The following CNTNAP3B variants were observed in gnomAD, a reference collection of about 807,000 sequenced individuals.
The protein encoded by CNTNAP3B is contactin-associated protein-like 3B.
Under a neutral mutation model 108.9 loss-of-function variants are expected in CNTNAP3B, and 25 were observed. That is an observed-to-expected ratio of 0.23 (90% CI 0.17 to 0.32). The LOEUF is 0.32. Ranked by LOEUF, CNTNAP3B falls within the 10% of genes least tolerant of loss-of-function variation. CNTNAP3B has a pLI of 1.00. For missense variants in CNTNAP3B, 252 were observed against 1,210.4 expected, an observed-to-expected ratio of 0.21 and a Z score of 11.75; for synonymous variants, 103 against 473.4, an observed-to-expected ratio of 0.22 and a Z score of 10.16.
chr9:41,979,145 C>G (rs1437814958), intron 9 of CNTNAP3B, among the ~76,000 whole-genome samples: 2 of 131,480 alleles, frequency 1.5e-5, no homozygotes, highest in South Asian at 2.5e-4. Flanking sequence ...CGTCTTCCCT[C>G]TCTGTGTGTC....
At chr9:42,089,864 A>T (rs1827780543) in intron 2 of CNTNAP3B, among the ~76,000 whole-genome samples, 1 of 139,972 alleles carries the variant, frequency 7.1e-6, no homozygotes. Flanking sequence ...ATTTCCATTC[A>T]AACCCACGGG....
rs1356145465 is a variant in CNTNAP3B, at chr9:41,928,175, C to G, written c.2365+1142G>C. ...ACTTGCAAGCTAACAATTTAGCTTG[C>G]CACAGATTAATGGATGCTGATAGAA... On this transcript the variant is annotated intron_variant, in intron 15 of 23. Coordinates refer to ENST00000377561, the MANE Select transcript of CNTNAP3B (RefSeq NM_001201380.3). Among the ~76,000 whole-genome samples, 6 of 152,364 alleles carry G rather than the reference C, an allele frequency of 3.9e-5. No homozygotes were observed. The East Asian group carries it at 1.2e-3, about 29-fold the overall frequency.
Position 41,929,691 on chromosome 9 carries a change from C to T in CNTNAP3B, c.2238-247G>A, listed in dbSNP as rs1167446409. On this transcript the variant is annotated intron_variant, in intron 14 of 23. Transcript: ENST00000377561. ...TTCTCACAGCAACTACTTAACTCTG[C>T]CACCAAGTGTGAAAGCAGCCACAGA... Among the ~76,000 whole-genome samples, 10 of 137,322 alleles carry T rather than the reference C, an allele frequency of 7.3e-5. 1 individual carries two copies. Among genetic ancestry groups the T allele is most frequent in the Non-Finnish European group, 1.4e-4 (9 of 64,040 alleles). 90.1% of individuals were successfully genotyped at this position (137,322 alleles called of 152,430 possible). A position where few individuals can be genotyped will look rare whatever the true frequency, so the allele number is the denominator to read the frequency against.
chr9:41,925,339 A>G (rs1328684711), intron 15 of CNTNAP3B, among the ~76,000 whole-genome samples: 1 of 152,166 alleles, frequency 6.6e-6, no homozygotes, highest in Non-Finnish European at 1.5e-5. Flanking sequence ...CACGCCTGTA[A>G]TCCCAGCAGT....
At chr9:41,931,869 G>T (rs1159178484) in intron 14 of CNTNAP3B, among the ~76,000 whole-genome samples, 2 of 148,840 alleles carry the variant, frequency 1.3e-5, no homozygotes, top group Non-Finnish European at 3.0e-5. Context: ...TATTTTAAAA[G>T]ATCTATTTCA....
At chr9:42,128,104 C>G (rs1828611407) in intron 1 of CNTNAP3B, among the ~76,000 whole-genome samples, 1 of 137,016 alleles carries the variant, frequency 7.3e-6, no homozygotes. Context: ...CTCATGGTTT[C>G]ATTAATCAAG....
chr9:42,110,531 T>TA (rs370874060), intron 1 of CNTNAP3B, among the ~76,000 whole-genome samples: 2,030 of 119,826 alleles, frequency 0.017, 176 homozygotes, highest in Middle Eastern at 0.048. Context: ...CTCTTTGTTC[T>TA]AAAAAAAAAA....
In CNTNAP3B at chr9:42,107,792, G is replaced by A. The variant is rs1244672933; in HGVS notation, c.86-3053C>T. Among the ~76,000 whole-genome samples, 2 of 134,780 alleles carry A rather than the reference G, an allele frequency of 1.5e-5. 1 individual carries two copies. The highest frequency in any genetic ancestry group is 3.1e-5 in the Non-Finnish European group (2 of 63,766). The allele number at this position is 134,780 out of a possible 152,430, so 88.4% of individuals were successfully genotyped here. The stretch of plus-strand genomic sequence containing the variant: ...AGATCGAGACCATCCTGGCTAATAC[G>A]GTGAAACCCCGTCTCTACTAAAAAT... On this transcript the variant is annotated intron_variant, in intron 1 of 23. Coordinates refer to ENST00000377561, the MANE Select transcript of CNTNAP3B (RefSeq NM_001201380.3).
chr9:41,944,504 A>G (rs1053538776), intron 13 of CNTNAP3B, among the ~76,000 whole-genome samples: 1 of 152,302 alleles, frequency 6.6e-6, no homozygotes, highest in African/African-American at 2.4e-5. Flanking sequence ...TATATTTTAT[A>G]CTCAAAGGCT....
chr9:42,076,413 C>T (rs28498306), intron 3 of CNTNAP3B, among the ~76,000 whole-genome samples: 43,676 of 114,788 alleles, frequency 0.38, 7,931 homozygotes, highest in East Asian at 0.57. Context: ...GTGATAACAG[C>T]GAAACTCTGT....
chr9:41,944,423 T>A (rs1824461384), intron 13 of CNTNAP3B, among the ~76,000 whole-genome samples: 1 of 151,998 alleles, frequency 6.6e-6, no homozygotes, highest in African/African-American at 2.4e-5. Context: ...GGATTGGAAA[T>A]GCTGTGTTAT....
rs1828369628 is a variant in CNTNAP3B at position 42,118,279 on chromosome 9, A to G, written c.85+10731T>C. On this transcript the variant is annotated intron_variant, in intron 1 of 23. Transcript: ENST00000377561. ...GAACATTGATGCAAAAATCCTCAAT[A>G]AAATACTGGCAAACTGAATACAGCA... 4.3e-5 allele frequency among the ~76,000 whole-genome samples: 6 copies of G among 139,754 alleles called. 2 individuals carry two copies. The highest frequency in any genetic ancestry group is 4.3e-4 in the Admixed American group (6 of 14,094). The allele number at this position is 139,754 out of a possible 152,430, so 91.7% of individuals were successfully genotyped here. A position where few individuals can be genotyped will look rare whatever the true frequency, so the allele number is the denominator to read the frequency against.
At chr9:41,918,936 G>A (rs1046879992) in intron 18 of CNTNAP3B, among the ~76,000 whole-genome samples, 2 of 149,956 alleles carry the variant, frequency 1.3e-5, no homozygotes, top group African/African-American at 5.0e-5. Flanking sequence ...AAATTCTTTT[G>A]AAAGTCACAC....
Position 41,953,204 on chromosome 9 carries a change from C to T in CNTNAP3B, c.2059G>A (p.Ala687Thr). The T allele has an allele frequency of 6.6e-7, 1 of 1,526,582 alleles. No individual in the cohort carries two copies. The highest frequency in any genetic ancestry group is 8.7e-7 in the Non-Finnish European group (1 of 1,146,504). 94.6% of individuals were successfully genotyped at this position (1,526,582 alleles called of 1,614,324 possible). A position where few individuals can be genotyped will look rare whatever the true frequency, so the allele number is the denominator to read the frequency against. ...EQRLALRCGT[A>T]RRPDSRDGTP... is the part of the protein sequence containing the mutation. ...TTACCTCGTGAGTCCGGGCGCCGCG[C>T]TGTCCCGCAGCGCAGAGCCAGCCGC... The change falls in exon 13 of 24, where the codon GCG becomes ACG. Residue 687 changes from alanine to threonine, a missense_variant. Physicochemically the swap from Ala to Thr is moderately conservative, Grantham distance 58. Coordinates refer to ENST00000377561, the MANE Select transcript of CNTNAP3B (RefSeq NM_001201380.3).
intron 12 of CNTNAP3B, among the ~76,000 whole-genome samples, chr9:41,958,266 C>A (rs1255908043): frequency 6.6e-6 from 1 of 152,302 alleles, no homozygotes; most frequent in Non-Finnish European, 1.5e-5. Flanking sequence ...TGTCACCATG[C>A]TGTTTTGTTG....
chr9:42,051,932 T>C (rs1269680422), intron 3 of CNTNAP3B, among the ~76,000 whole-genome samples: 2 of 152,070 alleles, frequency 1.3e-5, no homozygotes, highest in African/African-American at 4.8e-5. Context: ...CCTTGGGAAC[T>C]CTTTCAACTG....
At chr9:41,986,457 A>G (rs1405391675) in intron 8 of CNTNAP3B, 146 bp from the exon 9 acceptor site, 22 of 1,020,492 alleles carry the variant, frequency 2.2e-5, no homozygotes, top group Non-Finnish European at 2.8e-5. Context: ...TTAACCACCT[A>G]TCTTTAATTT....
chr9:41,933,659 A>AT (rs1394099548), intron 14 of CNTNAP3B, among the ~76,000 whole-genome samples: 8 of 152,360 alleles, frequency 5.3e-5, no homozygotes, highest in Non-Finnish European at 1.0e-4. Flanking sequence ...TTTTCCTGAT[A>AT]TTTCTTTATA....
chr9:41,937,545 G>A (rs1300704773), intron 14 of CNTNAP3B, among the ~76,000 whole-genome samples: 1 of 151,614 alleles, frequency 6.6e-6, no homozygotes, highest in Non-Finnish European at 1.5e-5. Flanking sequence ...TAAAAAAAAA[G>A]AAAACCAATA....
Sources: allele counts gnomAD v4.1 joint callset (sites outside exome capture counted in the v4.1 genomes callset), GRCh38; gene constraint gnomAD v4.1.1; transcripts MANE v1.5; gene names NCBI Gene and HGNC (gene_info 2026-07-23, HGNC 2026-07-21).